Variants in ACAT1 observed in about 807,000 individuals in gnomAD.
ACAT1 encodes acetyl-CoA acetyltransferase 1.
ACAT1 carries 28 observed loss-of-function variants against 47.3 expected under a neutral mutation model. The ratio of observed to expected loss-of-function variants is 0.59; its 90% CI spans 0.44 to 0.81. The LOEUF (loss-of-function observed/expected upper bound fraction) is 0.81, where lower values mean the gene tolerates loss of function less well. ACAT1 is among the 30% of genes least tolerant of loss of function. The probability of loss-of-function intolerance (pLI) is 0.00; values close to 1 mark genes in which losing one functional copy is unlikely to be tolerated. For synonymous variants in ACAT1, 181 were observed against 173.6 expected (o/e 1.04, Z -0.34); for missense variants, 469 against 524.3 (o/e 0.89, Z 1.03).
At chr11:108,135,322 A>G in intron 5 of ACAT1, 80 bp downstream of exon 5, 3 of 977,584 alleles carry the variant, frequency 3.1e-6, no homozygotes, top group Non-Finnish European at 4.8e-6. Context: ...GCATATTCAT[A>G]TTTTAGAAAT....
chr11:108,146,068 A>G (rs2077701261), intron 10 of ACAT1, 134 bp from the exon 11 acceptor site: 1 of 842,376 alleles, frequency 1.2e-6, no homozygotes, highest in Non-Finnish European at 1.9e-6. Context: ...CTGAAAATAG[A>G]GATCCTTCCA....
chr11:108,120,006 C>T (rs61214973), upstream of ACAT1, among the ~76,000 whole-genome samples: 1 of 151,926 alleles, frequency 6.6e-6, no homozygotes, highest in Non-Finnish European at 1.5e-5. Flanking sequence ...TGCGTGAGCT[C>T]AGGAGTTTGA....
upstream of ACAT1, chr11:108,121,528 C>T (rs1441379560): frequency 1.2e-5 from 18 of 1,471,664 alleles, no homozygotes; most frequent in Non-Finnish European, 1.7e-5. Flanking sequence ...GGTGCCCGCG[C>T]CGGGCCGCTA....
rs1299140929 is a variant in ACAT1 at position 108,131,888 on chromosome 11, AT to A, written c.73-18del. On this transcript the variant is annotated intron_variant, in intron 1 of 11. Transcript: ENST00000265838. The stretch of plus-strand genomic sequence containing the variant: ...TTAATATTTTTTACATTATAACATT[AT>A]AAATATTTATATTACAGGAAATAAG... 7.7e-6 allele frequency: 9 copies of A among 1,173,164 alleles called. No homozygotes were observed. The highest frequency in any genetic ancestry group is 1.1e-5 in the Non-Finnish European group (9 of 820,358). The allele number at this position is 1,173,164 out of a possible 1,614,324, so 72.7% of individuals were successfully genotyped here.
intron 6 of ACAT1, 155 bp from the exon 7 acceptor site, chr11:108,139,910 C>G: frequency 1.2e-6 from 1 of 855,854 alleles, no homozygotes; most frequent in South Asian, 1.8e-5. Flanking sequence ...CTTGGCCCCC[C>G]AAAGTGCTGG....
intron 1 of ACAT1, among the ~76,000 whole-genome samples, chr11:108,122,347 C>A (rs1410536958): frequency 6.6e-6 from 1 of 152,230 alleles, no homozygotes; most frequent in African/African-American, 2.4e-5. Flanking sequence ...TCTCCACATG[C>A]GTAAGCAAGG....
Position 108,146,185 on chromosome 11 carries a change from C to G in ACAT1, c.1006-17C>G, listed in dbSNP as rs1409314804. The G allele has an allele frequency of 1.2e-5, 19 of 1,587,098 alleles. No homozygotes were observed. Among genetic ancestry groups the G allele is most frequent in the Admixed American group, 1.7e-5 (1 of 59,926 alleles). ...TGCTAATTATTTGAACATCATCTGT[C>G]TTTTAAAAAATTTAAGGTTCTTAAA... On this transcript the variant is annotated splice_polypyrimidine_tract_variant and intron_variant, in intron 10 of 11. Transcript: ENST00000265838.
intron 1 of ACAT1, among the ~76,000 whole-genome samples, chr11:108,126,194 G>C (rs542087533): frequency 4.7e-4 from 71 of 152,200 alleles, no homozygotes; most frequent in Non-Finnish European, 8.5e-4. Flanking sequence ...GTAGACACGG[G>C]GTTTCACCAT....
chr11:108,133,084 C>A (rs879738573), intron 2 of ACAT1, among the ~76,000 whole-genome samples: 1 of 151,964 alleles, frequency 6.6e-6, no homozygotes, highest in Admixed American at 6.6e-5. Context: ...ACTCAGGAGG[C>A]TGAGGCAGGA....
rs536271468 is a variant in ACAT1 at position 108,139,255 on chromosome 11, C to T, written c.579+214C>T. On this transcript the variant is annotated intron_variant, in intron 6 of 11. Transcript: ENST00000265838. ...CACATTTAAATAGGGTAATTTCTGA[C>T]GCTTAGCTGGCAACTGCTTGGCTAA... 2.1e-3 allele frequency: 1,191 copies of T among 578,240 alleles called. 2 individuals carry two copies. Among genetic ancestry groups the T allele is most frequent in the Non-Finnish European group, 2.9e-3 (953 of 331,126 alleles). 35.8% of individuals were successfully genotyped at this position (578,240 alleles called of 1,614,324 possible). A position where few individuals can be genotyped will look rare whatever the true frequency, so the allele number is the denominator to read the frequency against.
Position 108,142,419 on chromosome 11 carries a change from CCT to C in ACAT1, c.827-16_827-15del, listed in dbSNP as rs767091022. On this transcript the variant is annotated splice_polypyrimidine_tract_variant and intron_variant, in intron 8 of 11. Coordinates refer to ENST00000265838, the MANE Select transcript of ACAT1 (RefSeq NM_000019.4). ...TTGTGAAGGAATGTTTTGACTTCAA[CCT>C]CATTTTTGCTTTCAGGCACAGTAAC... 16 of 1,595,478 alleles carry C rather than the reference CCT, an allele frequency of 1.0e-5. No homozygotes were observed. The highest frequency in any genetic ancestry group is 8.6e-7 in the Non-Finnish European group (1 of 1,163,888).
chr11:108,134,218 A>T lies in ACAT1; in HGVS notation c.239-3A>T. ...TTTTTGACTTTTTTTTTTTTTAATAAAGGGATTCCAAAAGAAGAAGTGAAA... is the reference window on the plus strand; with the variant it reads ...TTTTTGACTTTTTTTTTTTTTAATATAGGGATTCCAAAAGAAGAAGTGAAA... On this transcript the variant is annotated splice_polypyrimidine_tract_variant and splice_region_variant and intron_variant, in intron 3 of 11. Coordinates refer to ENST00000265838, the MANE Select transcript of ACAT1 (RefSeq NM_000019.4). 1 of 1,609,824 alleles carries T rather than the reference A, an allele frequency of 6.2e-7. No individual in the cohort carries two copies. The highest frequency in any genetic ancestry group is 1.7e-5 in the Admixed American group (1 of 59,546).
intron 1 of ACAT1, among the ~76,000 whole-genome samples, chr11:108,129,859 G>A (rs1297429413): frequency 6.6e-6 from 1 of 152,184 alleles, no homozygotes; most frequent in Non-Finnish European, 1.5e-5. Flanking sequence ...ATGTGTGCCT[G>A]TAGTCGCAGA....
chr11:108,144,191 A>C, intron 10 of ACAT1, 144 bp downstream of exon 10: 2 of 898,590 alleles, frequency 2.2e-6, no homozygotes, highest in East Asian at 2.4e-5. Context: ...TTCTCCTGAA[A>C]AGAGTAAGAG....
intron 6 of ACAT1, 47 bp downstream of exon 6, chr11:108,139,088 G>A: frequency 6.2e-7 from 1 of 1,608,266 alleles, no homozygotes; most frequent in Non-Finnish European, 8.5e-7. Context: ...GTCCAATACT[G>A]TTTGATTTTT....
At chr11:108,132,640 G>C (rs2077383198) in intron 2 of ACAT1, among the ~76,000 whole-genome samples, 1 of 151,314 alleles carries the variant, frequency 6.6e-6, no homozygotes, top group South Asian at 2.1e-4. Flanking sequence ...GGATCACGAG[G>C]TCAGGAGATC....
rs1014033468 is a variant in ACAT1 at position 108,146,018 on chromosome 11, G to A, written c.1006-184G>A. The A allele has an allele frequency of 9.4e-6, 5 of 530,418 alleles. No individual in the cohort carries two copies. In the East Asian group the frequency reaches 1.4e-4, roughly 15 times the overall value. The allele number at this position is 530,418 out of a possible 1,614,324, so 32.9% of individuals were successfully genotyped here. On this transcript the variant is annotated intron_variant, in intron 10 of 11. Coordinates refer to ENST00000265838, the MANE Select transcript of ACAT1 (RefSeq NM_000019.4). ...GCCAAGATGGCGCCATTGCACTCCA[G>A]CCTGGGAGACAGAGCAAGACTGTTG... is the stretch of plus-strand genomic sequence containing the variant.
Position 108,147,295 on chromosome 11 carries a change from C to A in ACAT1, c.1189C>A (p.His397Asn), listed in dbSNP as rs746332363. 6.2e-6 allele frequency: 10 copies of A among 1,613,792 alleles called. No homozygotes were observed. In the South Asian group the frequency reaches 1.1e-4, roughly 18 times the overall value. The change falls in exon 12 of 12, where the codon CAT becomes AAT. Residue 397 changes from histidine (H) to asparagine (N), a missense_variant. Transcript: ENST00000265838. Reference sequence around the variant, plus strand: ...GATGTCTGGAGCCAGGATTGTTGGTCATTTGACTCATGCCTTGAAGCAAGG... The same window carrying A: ...GATGTCTGGAGCCAGGATTGTTGGTAATTTGACTCATGCCTTGAAGCAAGG... ...IGMSGARIVGHLTHALKQGEY... is the reference protein window; with the variant it reads ...IGMSGARIVGNLTHALKQGEY...
At chr11:108,122,949 T>C (rs1043338201) in intron 1 of ACAT1, among the ~76,000 whole-genome samples, 1 of 152,134 alleles carries the variant, frequency 6.6e-6, no homozygotes, top group Admixed American at 6.5e-5. Context: ...ATCAGGTTGG[T>C]TGAGGTGGCT....
Sources: gnomAD v4.1 joint callset for allele counts (sites outside exome capture counted in the v4.1 genomes callset) on GRCh38, gnomAD v4.1.1 for gene constraint, MANE v1.5 for transcripts, NCBI Gene and HGNC (gene_info 2026-07-23, HGNC 2026-07-21) for gene names.